Variants in TMEM154 observed in about 807,000 individuals in gnomAD.
TMEM154 encodes the protein transmembrane protein 154.
A neutral mutation model predicts 24.5 loss-of-function variants in TMEM154; 27 were observed. The ratio of observed to expected loss-of-function variants is 1.10; its 90% CI spans 0.81 to 1.52. The LOEUF (loss-of-function observed/expected upper bound fraction) is 1.52, where lower values mean the gene tolerates loss of function less well. Ranked by LOEUF, TMEM154 falls within the 40% of genes most tolerant of loss-of-function variation. The pLI, the probability that TMEM154 is intolerant of heterozygous loss-of-function variation, is 0.00. For missense variants in TMEM154, 228 were observed against 213.4 expected (o/e 1.07, Z -0.43); for synonymous variants, 67 against 76.8 (o/e 0.87, Z 0.67).
intron 1 of TMEM154, among the ~76,000 whole-genome samples, chr4:152,661,305 T>C (rs1370789481): frequency 3.1e-5 from 4 of 131,102 alleles, no homozygotes; most frequent in African/African-American, 1.3e-4. Flanking sequence ...TCTCTCTCTC[T>C]CTCTCTCTCT....
chr4:152,669,984 G>A (rs1232996216), intron 1 of TMEM154: 1 of 152,178 alleles, frequency 6.6e-6, no homozygotes, highest in Non-Finnish European at 1.5e-5. Context: ...GTTACACAAA[G>A]TTTAGTTATT....
chr4:152,636,392 A>G (rs1299302207), intron 6 of TMEM154, among the ~76,000 whole-genome samples: 1 of 152,216 alleles, frequency 6.6e-6, no homozygotes, highest in Non-Finnish European at 1.5e-5. Context: ...GCTAAGATGG[A>G]AAATAAGAAT....
At chr4:152,647,367 T>C (rs1361706178) in intron 3 of TMEM154, 1 of 976,540 alleles carries the variant, frequency 1.0e-6, no homozygotes, top group Non-Finnish European at 1.2e-6. Flanking sequence ...AATATTCTGC[T>C]TTTATTAACT....
At chr4:152,673,771 A>C (rs1204744284) in intron 1 of TMEM154, among the ~76,000 whole-genome samples, 2 of 152,134 alleles carry the variant, frequency 1.3e-5, no homozygotes, top group Admixed American at 6.5e-5. Flanking sequence ...ACTATACTAA[A>C]TATTATTTTT....
At chr4:152,676,318 G>T (rs1728951985) in intron 1 of TMEM154, among the ~76,000 whole-genome samples, 1 of 152,176 alleles carries the variant, frequency 6.6e-6, no homozygotes, top group African/African-American at 2.4e-5. Context: ...CCTACAGCTG[G>T]AAAGGTTCAA....
chr4:152,661,688 T>C (rs1728616728), intron 1 of TMEM154, among the ~76,000 whole-genome samples: 1 of 152,210 alleles, frequency 6.6e-6, no homozygotes, highest in East Asian at 1.9e-4. Flanking sequence ...CTCTAATCTG[T>C]ACAACTAAGG....
chr4:152,673,414 C>T (rs961539432), intron 1 of TMEM154, among the ~76,000 whole-genome samples: 4 of 152,202 alleles, frequency 2.6e-5, no homozygotes, highest in African/African-American at 9.7e-5. Flanking sequence ...AGTTCTCCTG[C>T]CTTAGCCTCC....
chr4:152,652,467 A>G (rs1728404597), intron 3 of TMEM154, 71 bp downstream of exon 3: 2 of 1,591,356 alleles, frequency 1.3e-6, no homozygotes, highest in East Asian at 4.5e-5. Context: ...CTTGTTGCTT[A>G]ATTTTAAAAC....
chr4:152,643,187 G>A lies in TMEM154; in HGVS notation c.393-14C>T. 1 of 1,563,602 alleles carries A rather than the reference G, an allele frequency of 6.4e-7. No homozygotes were observed. The highest frequency in any genetic ancestry group is 1.4e-5 in the African/African-American group (1 of 72,704). ...TCAAAAATAGGGCTAGAAATAGAGA[G>A]CAAAAGACTTGTTAGAAAGAAATGT... On this transcript the variant is annotated splice_polypyrimidine_tract_variant and intron_variant, in intron 4 of 6. Coordinates refer to ENST00000304385, the MANE Select transcript of TMEM154 (RefSeq NM_152680.3).
At chr4:152,639,443 T>C (rs1462016135) in intron 6 of TMEM154, among the ~76,000 whole-genome samples, 1 of 152,206 alleles carries the variant, frequency 6.6e-6, no homozygotes, top group East Asian at 1.9e-4. Context: ...GTTTTAGTAG[T>C]GATCTGAGCC....
At chr4:152,628,642 T>TC (rs1751969750) in intron 6 of TMEM154, 81 bp from the exon 7 acceptor site, 3 of 1,175,896 alleles carry the variant, frequency 2.6e-6, no homozygotes, top group African/African-American at 1.7e-5. Context: ...TTCTTTCTTT[T>TC]TTTTTTTTTT....
In TMEM154 at chr4:152,644,440, C is replaced by A. The variant is rs748390906; in HGVS notation, c.367G>T (p.Glu123Ter). 4.3e-6 allele frequency: 7 copies of A among 1,614,022 alleles called. No homozygotes were observed. In the African/African-American group the frequency reaches 6.7e-5, roughly 15 times the overall value. The change falls in exon 4 of 7, where the codon GAA (glutamate) becomes TAA (stop). Residue 123 changes from glutamate (E) to a stop codon, truncating the protein, a stop_gained and splice_region_variant. Transcript: ENST00000304385. LOFTEE classifies it high-confidence loss of function. ...QGSQSALQTY[E>*]LGSENVKVPI... ...ACTTTCACGTTTTCACTTCCCAGTT[C>A]ATCTAAAAGGAAATGAACATAAAGG...
intron 1 of TMEM154, among the ~76,000 whole-genome samples, chr4:152,678,090 G>A (rs1728983487): frequency 6.6e-6 from 1 of 152,124 alleles, no homozygotes; most frequent in Non-Finnish European, 1.5e-5. Context: ...TTGCTAGGTA[G>A]GAAAAAGAAT....
chr4:152,633,087 G>C (rs28687700), intron 6 of TMEM154, among the ~76,000 whole-genome samples: 2,389 of 152,318 alleles, frequency 0.016, 60 homozygotes, highest in African/African-American at 0.055. Flanking sequence ...CAGCAACCAT[G>C]TTCCAAAACA....
intron 1 of TMEM154, among the ~76,000 whole-genome samples, chr4:152,675,556 G>A (rs1035646102): frequency 6.6e-6 from 1 of 152,112 alleles, no homozygotes; most frequent in Non-Finnish European, 1.5e-5. Flanking sequence ...GAACCCACAA[G>A]GCAGAGGTTG....
At position 152,626,686 on chromosome 4, in the gene TMEM154, T is replaced by G. The variant is rs183412979; in HGVS notation, c.*1860A>C. 6.6e-6 allele frequency: 1 copy of G among 152,318 alleles called. No individual in the cohort carries two copies. The highest frequency in any genetic ancestry group is 2.4e-5 in the African/African-American group (1 of 41,570). The allele number at this position is 152,318 out of a possible 1,614,324, so 9.4% of individuals were successfully genotyped here. A position where few individuals can be genotyped will look rare whatever the true frequency, so the allele number is the denominator to read the frequency against. The stretch of plus-strand genomic sequence containing the variant: ...GACCCCAGATGCCTCTCTGAGAAGT[T>G]CATTATTTGATAGGGTTGGATCAAA... On this transcript the variant is annotated 3_prime_UTR_variant, in exon 7 of 7. Transcript: ENST00000304385.
intron 1 of TMEM154, among the ~76,000 whole-genome samples, chr4:152,675,608 C>T (rs1354525889): frequency 6.6e-6 from 1 of 150,952 alleles, no homozygotes; most frequent in East Asian, 1.9e-4. Flanking sequence ...GCCTGGGCAA[C>T]GAGAGTGAAA....
chr4:152,643,244 T>C (rs1752290613), intron 4 of TMEM154, 71 bp from the exon 5 acceptor site: 1 of 1,157,756 alleles, frequency 8.6e-7, no homozygotes, highest in Non-Finnish European at 1.3e-6. Context: ...GGAAAGAGAC[T>C]AGAATGCTGA....
rs1170106781 is a variant in TMEM154, at chr4:152,626,373, C to T, written c.*2173G>A. 1 of 152,436 alleles carries T rather than the reference C, an allele frequency of 6.6e-6. No homozygotes were observed. The highest frequency in any genetic ancestry group is 2.4e-5 in the African/African-American group (1 of 41,404). The allele number at this position is 152,436 out of a possible 1,614,324, so 9.4% of individuals were successfully genotyped here. On this transcript the variant is annotated 3_prime_UTR_variant, in exon 7 of 7. Coordinates refer to ENST00000304385, the MANE Select transcript of TMEM154 (RefSeq NM_152680.3). ...TTGGGTTTAAAAACAATTCTTGAAA[C>T]TGTCATAAACATATGATATCTATTG...
Sources: gnomAD v4.1 joint callset for allele counts (sites outside exome capture counted in the v4.1 genomes callset) on GRCh38, gnomAD v4.1.1 for gene constraint, MANE v1.5 for transcripts, NCBI Gene and HGNC (gene_info 2026-07-23, HGNC 2026-07-21) for gene names.